NUDT9: variants seen among roughly 807,000 people sequenced by gnomAD.
NUDT9 encodes the protein nudix hydrolase 9, also known as ADP-ribose pyrophosphatase.
NUDT9 carries 31 observed loss-of-function variants against 41.0 expected under a neutral mutation model. The ratio of observed to expected loss-of-function variants is 0.76; its 90% CI spans 0.57 to 1.02. The LOEUF (loss-of-function observed/expected upper bound fraction) is 1.02, where lower values mean the gene tolerates loss of function less well. NUDT9 is among the 50% of genes least tolerant of loss of function. The pLI is 0.00. For synonymous variants in NUDT9, 146 were observed against 147.6 expected (o/e 0.99, Z 0.08); for missense variants, 380 against 431.4 (o/e 0.88, Z 1.06).
At chr4:87,433,219 C>T in intron 1 of NUDT9, among the ~76,000 whole-genome samples, 1 of 152,114 alleles carries the variant, frequency 6.6e-6, no homozygotes, top group South Asian at 2.1e-4. Context: ...TACTACCTAT[C>T]CTGCAATGTT....
chr4:87,436,603 G>A (rs1268788380), intron 2 of NUDT9, among the ~76,000 whole-genome samples: 1 of 152,118 alleles, frequency 6.6e-6, no homozygotes, highest in Admixed American at 6.5e-5. Context: ...GAGCCGGCAC[G>A]CCTGGTGATT....
In NUDT9 at chr4:87,437,507, A is replaced by AT. The variant is rs535497840; in HGVS notation, c.348-764dup. Among the ~76,000 whole-genome samples the AT allele has an allele frequency of 6.6e-5, 10 of 150,568 alleles. No homozygotes were observed. The South Asian group carries it at 1.0e-3, about 16-fold the overall frequency. ...AGGTGCCCACCACCATGCCCAGCTA[A>AT]TTTTTTGTATTTTTTTAGTAGAGAT... On this transcript the variant is annotated intron_variant, in intron 2 of 7. Coordinates refer to ENST00000302174, the MANE Select transcript of NUDT9 (RefSeq NM_024047.5).
intron 1 of NUDT9, among the ~76,000 whole-genome samples, chr4:87,427,366 G>T (rs910342383): frequency 5.3e-5 from 8 of 152,162 alleles, no homozygotes; most frequent in Non-Finnish European, 8.8e-5. Context: ...CAGCTACTTA[G>T]TTCCCATTTG....
intron 6 of NUDT9, 69 bp downstream of exon 6, chr4:87,451,804 G>A: frequency 1.5e-6 from 2 of 1,363,716 alleles, no homozygotes; most frequent in Non-Finnish European, 2.0e-6. Context: ...AAGTTGACCT[G>A]GAAATCTGTA....
intron 1 of NUDT9, among the ~76,000 whole-genome samples, chr4:87,426,555 G>A (rs1303470621): frequency 3.3e-5 from 5 of 151,788 alleles, no homozygotes; most frequent in Admixed American, 1.3e-4. Context: ...GATTACAGGC[G>A]TCTGCCACCA....
chr4:87,435,353 A>G, intron 2 of NUDT9, 133 bp downstream of exon 2: 1 of 1,022,176 alleles, frequency 9.8e-7, no homozygotes, highest in Non-Finnish European at 1.4e-6. Flanking sequence ...CAGTTTCCAC[A>G]TTTGCTTGAA....
At chr4:87,438,069 A>T (rs1313688329) in intron 2 of NUDT9, among the ~76,000 whole-genome samples, 1 of 150,900 alleles carries the variant, frequency 6.6e-6, no homozygotes, top group African/African-American at 2.4e-5. Context: ...TATCTTTGTA[A>T]TGTGTGGTGT....
Position 87,434,963 on chromosome 4 carries a change from T to C in NUDT9, c.108-18T>C. The C allele has an allele frequency of 6.9e-6, 11 of 1,593,418 alleles. No individual in the cohort carries two copies. Among genetic ancestry groups the C allele is most frequent in the Non-Finnish European group, 9.4e-6 (11 of 1,171,314 alleles). Reference sequence around the variant, plus strand: ...ATTTTTGGTATTTATGTAAAATGTTTTTCTTTTTCTCCCCCAGAAACTCGT... The same window carrying C: ...ATTTTTGGTATTTATGTAAAATGTTCTTCTTTTTCTCCCCCAGAAACTCGT... On this transcript the variant is annotated intron_variant, in intron 1 of 7. Transcript: ENST00000302174.
chr4:87,427,816 G>A (rs1721499728), intron 1 of NUDT9, among the ~76,000 whole-genome samples: 1 of 152,102 alleles, frequency 6.6e-6, no homozygotes, highest in African/African-American at 2.4e-5. Flanking sequence ...TTGTGATAGG[G>A]TTCAATTAGA....
At chr4:87,426,881 T>A (rs1212637811) in intron 1 of NUDT9, among the ~76,000 whole-genome samples, 1 of 101,356 alleles carries the variant, frequency 9.9e-6, no homozygotes, top group Non-Finnish European at 2.0e-5. Flanking sequence ...TGACAAAAAA[T>A]AAACAAAATT....
intron 5 of NUDT9, 83 bp downstream of exon 5, chr4:87,449,336 A>C (rs911817484): frequency 1.3e-6 from 1 of 771,456 alleles, no homozygotes; most frequent in Non-Finnish European, 2.3e-6. Context: ...AATCTTTTCT[A>C]TTCCATTTTC....
intron 6 of NUDT9, among the ~76,000 whole-genome samples, chr4:87,454,170 T>C (rs1722886193): frequency 6.6e-6 from 1 of 151,980 alleles, no homozygotes; most frequent in South Asian, 2.1e-4. Context: ...GCTATTTACA[T>C]TTCTTTAAAA....
chr4:87,447,496 G>GT (rs1722511741), intron 4 of NUDT9, among the ~76,000 whole-genome samples: 10 of 119,372 alleles, frequency 8.4e-5, no homozygotes, highest in East Asian at 2.5e-4. Flanking sequence ...TTTTTGTTTT[G>GT]TTTTGTTTTG....
intron 6 of NUDT9, among the ~76,000 whole-genome samples, chr4:87,452,952 C>G (rs1159139197): frequency 6.6e-6 from 1 of 151,490 alleles, no homozygotes; most frequent in African/African-American, 2.4e-5. Flanking sequence ...GCTGGGATTA[C>G]AAGCATGTGC....
At chr4:87,441,061 G>T (rs950734858) in intron 3 of NUDT9, among the ~76,000 whole-genome samples, 2 of 152,074 alleles carry the variant, frequency 1.3e-5, no homozygotes, top group African/African-American at 4.8e-5. Flanking sequence ...AATAAAAAGA[G>T]ATGGCAAAAA....
Position 87,457,910 on chromosome 4 carries a change from C to CA in NUDT9, c.944dup (p.Asn315LysfsTer2). On this transcript the variant is annotated frameshift_variant, in exon 8 of 8. Coordinates refer to ENST00000302174, the MANE Select transcript of NUDT9 (RefSeq NM_024047.5). LOFTEE classifies it high-confidence loss of function. ...CTGGAAAAGTGAAATGGGTGGACATCAATGATAAACTGAAGCTTTATGCCA... is the reference window on the plus strand; with the variant it reads ...CTGGAAAAGTGAAATGGGTGGACATCAAATGATAAACTGAAGCTTTATGCCA... 6.2e-7 allele frequency: 1 copy of CA among 1,608,610 alleles called. No homozygotes were observed. Among genetic ancestry groups the CA allele is most frequent in the Non-Finnish European group, 8.5e-7 (1 of 1,177,906 alleles).
chr4:87,446,799 G>GTT (rs1437526530), intron 4 of NUDT9, among the ~76,000 whole-genome samples: 1 of 152,012 alleles, frequency 6.6e-6, no homozygotes, highest in East Asian at 1.9e-4. Context: ...TTAGAACAGT[G>GTT]TTTTATATAT....
chr4:87,456,574 A>G (rs943385236), intron 7 of NUDT9, among the ~76,000 whole-genome samples: 1 of 152,180 alleles, frequency 6.6e-6, no homozygotes, highest in Non-Finnish European at 1.5e-5. Flanking sequence ...CCCCCTCTTC[A>G]TACTGGTATG....
chr4:87,433,719 T>C (rs1721785593), intron 1 of NUDT9, among the ~76,000 whole-genome samples: 1 of 152,238 alleles, frequency 6.6e-6, no homozygotes, highest in African/African-American at 2.4e-5. Context: ...GTCATTTAAC[T>C]TTTTAGGCAA....
Sources: gnomAD v4.1 joint callset for allele counts (sites outside exome capture counted in the v4.1 genomes callset) on GRCh38, gnomAD v4.1.1 for gene constraint, MANE v1.5 for transcripts, NCBI Gene and HGNC (gene_info 2026-07-23, HGNC 2026-07-21) for gene names.